WWC2: variants seen among roughly 807,000 people sequenced by gnomAD.
WWC2 encodes the protein protein WWC2.
WWC2 carries 101 observed loss-of-function variants against 138.5 expected under a neutral mutation model. The ratio of observed to expected loss-of-function variants is 0.73; its 90% CI spans 0.62 to 0.86. WWC2 has a LOEUF of 0.86. Ranked by LOEUF, WWC2 falls within the 40% of genes least tolerant of loss-of-function variation. The pLI is 0.00. For synonymous variants in WWC2, 558 were observed against 538.4 expected (o/e 1.04, Z -0.50); for missense variants, 1,420 against 1,419.4 (o/e 1.00, Z -0.01).
intron 21 of WWC2, among the ~76,000 whole-genome samples, chr4:183,306,715 C>T (rs767347638): frequency 2.2e-4 from 34 of 151,866 alleles, no homozygotes; most frequent in Admixed American, 1.4e-3. Context: ...TTAGTAGAGA[C>T]GGGGTTTTGC....
intron 16 of WWC2, among the ~76,000 whole-genome samples, chr4:183,279,371 G>A (rs1461651076): frequency 3.3e-5 from 5 of 152,058 alleles, no homozygotes; most frequent in East Asian, 3.9e-4. Flanking sequence ...TGCTGGATTC[G>A]TTTTGCCAGT....
At chr4:183,289,729 G>T (rs376753155) in intron 21 of WWC2, 94 bp downstream of exon 21, 15 of 1,513,838 alleles carry the variant, frequency 9.9e-6, no homozygotes, top group Non-Finnish European at 1.1e-5. Flanking sequence ...TCTGTTTTGC[G>T]CATAAGTCTT....
chr4:183,200,199 A>T lies in WWC2; in HGVS notation c.241+6491A>T, dbSNP rs1294322998. Among the ~76,000 whole-genome samples the T allele has an allele frequency of 2.1e-5, 3 of 143,228 alleles. No homozygotes were observed. In the South Asian group the frequency reaches 7.3e-4, roughly 35 times the overall value. The allele number at this position is 143,228 out of a possible 152,430, so 94.0% of individuals were successfully genotyped here. On this transcript the variant is annotated intron_variant, in intron 2 of 22. Coordinates refer to ENST00000403733, the MANE Select transcript of WWC2 (RefSeq NM_024949.6). ...AGACAAATGCTGATAGTTTATTATCATCATCATTATTGCCCTTTATTCATT... is the reference window on the plus strand; with the variant it reads ...AGACAAATGCTGATAGTTTATTATCTTCATCATTATTGCCCTTTATTCATT...
At chr4:183,162,669 G>A (rs1733996481) in intron 1 of WWC2, among the ~76,000 whole-genome samples, 1 of 151,884 alleles carries the variant, frequency 6.6e-6, no homozygotes, top group Non-Finnish European at 1.5e-5. Flanking sequence ...GGAATTTTAG[G>A]TTGTCTGAGT....
intron 18 of WWC2, among the ~76,000 whole-genome samples, 193 bp from the exon 19 acceptor site, chr4:183,284,033 A>G (rs547693684): frequency 4.6e-5 from 7 of 152,330 alleles, no homozygotes; most frequent in African/African-American, 1.7e-4. Flanking sequence ...CTTGGTAGAA[A>G]ACTGAAGAAC....
At chr4:183,153,756 C>T (rs577855748) in intron 1 of WWC2, among the ~76,000 whole-genome samples, 8 of 150,810 alleles carry the variant, frequency 5.3e-5, no homozygotes, top group South Asian at 2.1e-4. Context: ...AGTGATCTTC[C>T]GACCTCAGGC....
chr4:183,140,420 T>A (rs2309805), intron 1 of WWC2, among the ~76,000 whole-genome samples: 2,820 of 152,280 alleles, frequency 0.019, 78 homozygotes, highest in African/African-American at 0.063. Context: ...GGAATCTTCC[T>A]TTTCAAGCAG....
intron 21 of WWC2, among the ~76,000 whole-genome samples, chr4:183,291,334 A>C (rs1738444795): frequency 6.6e-6 from 1 of 152,246 alleles, no homozygotes; most frequent in Non-Finnish European, 1.5e-5. Context: ...GGCTGTGGGC[A>C]GGAGCCTGCA....
intron 11 of WWC2, among the ~76,000 whole-genome samples, chr4:183,262,027 A>G (rs373813827): frequency 1.3e-5 from 2 of 152,302 alleles, no homozygotes; most frequent in African/African-American, 4.8e-5. Context: ...TTAATTTAAA[A>G]CAGCAGGTTG....
intron 1 of WWC2, among the ~76,000 whole-genome samples, chr4:183,125,636 G>T (rs1732735288): frequency 6.6e-6 from 1 of 152,154 alleles, no homozygotes; most frequent in Non-Finnish European, 1.5e-5. Flanking sequence ...ATAACATTAA[G>T]CCCTTTGAAA....
chr4:183,297,786 ATGGCCGC>A (rs1240657017), intron 21 of WWC2, among the ~76,000 whole-genome samples: 1 of 152,228 alleles, frequency 6.6e-6, no homozygotes, highest in African/African-American at 2.4e-5. Flanking sequence ...AAGGGAGGAG[ATGGCCGC>A]TAGTGTGCTG....
chr4:183,295,687 T>A (rs1464373147), intron 21 of WWC2, among the ~76,000 whole-genome samples: 1 of 152,216 alleles, frequency 6.6e-6, no homozygotes, highest in African/African-American at 2.4e-5. Context: ...AGTTTTCTGC[T>A]GTTTTTGTTC....
chr4:183,197,570 A>G (rs1735179089), intron 2 of WWC2, among the ~76,000 whole-genome samples: 1 of 152,222 alleles, frequency 6.6e-6, no homozygotes, highest in African/African-American at 2.4e-5. Context: ...TTGTATGATC[A>G]TATTCACCTT....
At chr4:183,299,809 A>T (rs896277218) in intron 21 of WWC2, among the ~76,000 whole-genome samples, 4 of 152,168 alleles carry the variant, frequency 2.6e-5, no homozygotes, top group Middle Eastern at 3.2e-3. Flanking sequence ...CAAGATGACC[A>T]TAAAGTGCCT....
intron 1 of WWC2, among the ~76,000 whole-genome samples, chr4:183,115,540 C>G (rs1732382461): frequency 6.6e-6 from 1 of 152,154 alleles, no homozygotes; most frequent in Non-Finnish European, 1.5e-5. Flanking sequence ...CATCTTTTGA[C>G]TTTTATCTAA....
intron 1 of WWC2, among the ~76,000 whole-genome samples, chr4:183,134,488 G>A (rs1733050320): frequency 6.6e-6 from 1 of 151,964 alleles, no homozygotes; most frequent in South Asian, 2.1e-4. Flanking sequence ...GTTTGTAATT[G>A]TTATTTCATT....
chr4:183,102,434 G>T (rs994390213), intron 1 of WWC2, among the ~76,000 whole-genome samples: 1 of 152,272 alleles, frequency 6.6e-6, no homozygotes, highest in East Asian at 1.9e-4. Context: ...TCATTCTCCC[G>T]TTGGTCCTGT....
intron 4 of WWC2, among the ~76,000 whole-genome samples, chr4:183,214,322 G>A (rs1358267899): frequency 1.3e-5 from 2 of 152,108 alleles, no homozygotes; most frequent in African/African-American, 4.8e-5. Context: ...GATGAGCTTA[G>A]AAAAGTCATC....
chr4:183,298,958 A>G (rs1057085266), intron 21 of WWC2, among the ~76,000 whole-genome samples: 3 of 152,190 alleles, frequency 2.0e-5, no homozygotes, highest in African/African-American at 7.2e-5. Flanking sequence ...TACACAGGTT[A>G]TGCAGAGCAG....
Sources: gnomAD v4.1 joint callset for allele counts (sites outside exome capture counted in the v4.1 genomes callset) on GRCh38, gnomAD v4.1.1 for gene constraint, MANE v1.5 for transcripts, NCBI Gene and HGNC (gene_info 2026-07-23, HGNC 2026-07-21) for gene names.